The following PDE4D variants were observed in gnomAD, a reference collection of about 807,000 sequenced individuals.
PDE4D encodes 3',5'-cyclic-AMP phosphodiesterase 4D.
Under a neutral mutation model 87.4 loss-of-function variants are expected in PDE4D, and 24 were observed. The ratio of observed to expected loss-of-function variants is 0.27; its 90% CI spans 0.20 to 0.39. The LOEUF is 0.39. Ranked by LOEUF, PDE4D falls within the 10% of genes least tolerant of loss-of-function variation. The pLI is 1.00. For synonymous variants in PDE4D, 384 were observed against 383.2 expected (o/e 1.00, Z -0.02); for missense variants, 714 against 1,041.0 (o/e 0.69, Z 4.32).
chr5:60,139,080 T>C (rs1223174003), intron 2 of PDE4D, among the ~76,000 whole-genome samples: 3 of 151,024 alleles, frequency 2.0e-5, no homozygotes, highest in African/African-American at 7.3e-5. Flanking sequence ...CTAGGATGGT[T>C]CTAAGATCCC....
chr5:60,022,957 C>T (rs1385413431), intron 2 of PDE4D, among the ~76,000 whole-genome samples: 1 of 152,158 alleles, frequency 6.6e-6, no homozygotes, highest in Non-Finnish European at 1.5e-5. Context: ...GACTCCTCAA[C>T]ACATCTATAG....
chr5:59,526,009 C>A (rs1014193055), intron 1 of PDE4D, among the ~76,000 whole-genome samples: 1 of 152,132 alleles, frequency 6.6e-6, no homozygotes, highest in Admixed American at 6.5e-5. Context: ...GACTAATACA[C>A]CCCTGCAGTG....
chr5:59,265,799 C>T (rs1762769924), intron 1 of PDE4D, among the ~76,000 whole-genome samples: 1 of 152,050 alleles, frequency 6.6e-6, no homozygotes, highest in Non-Finnish European at 1.5e-5. Flanking sequence ...GTCTAGGATT[C>T]ATCATGAGGA....
chr5:59,131,592 T>A (rs967266692), intron 5 of PDE4D, among the ~76,000 whole-genome samples: 12 of 92,526 alleles, frequency 1.3e-4, no homozygotes, highest in Non-Finnish European at 2.5e-4. Context: ...ATAAGGCCAA[T>A]TTAAAACACA....
In PDE4D at chr5:60,165,039, C is replaced by T. The variant is rs77194464; in HGVS notation, c.42+20518G>A. Among the ~76,000 whole-genome samples, 1,232 of 152,168 alleles carry T rather than the reference C, an allele frequency of 8.1e-3. 15 individuals carry two copies. Among genetic ancestry groups the T allele is most frequent in the African/African-American group, 0.028 (1,174 of 41,504 alleles). ...TATCCTTTGACCATTTGTCCAAGCC[C>T]CCTCCCCCAACCTGTCTAGCCTCTC... On this transcript the variant is annotated intron_variant, in intron 2 of 16. Coordinates refer to the PDE4D transcript ENST00000502484.
intron 1 of PDE4D, among the ~76,000 whole-genome samples, chr5:59,544,175 C>T (rs1225377433): frequency 6.6e-6 from 1 of 152,114 alleles, no homozygotes; most frequent in Non-Finnish European, 1.5e-5. Context: ...AAACTAGGTA[C>T]AAGGAAAAGG....
intron 1 of PDE4D, among the ~76,000 whole-genome samples, chr5:59,673,192 C>G (rs1747502959): frequency 6.6e-6 from 1 of 151,978 alleles, no homozygotes; most frequent in Admixed American, 6.6e-5. Context: ...AGTAAATGGC[C>G]CAACTGTTTG....
At chr5:59,420,850 A>G (rs1005523959) in intron 1 of PDE4D, among the ~76,000 whole-genome samples, 1 of 152,176 alleles carries the variant, frequency 6.6e-6, no homozygotes, top group African/African-American at 2.4e-5. Flanking sequence ...TTGTTCAAAA[A>G]TAACAGCACA....
chr5:59,553,137 T>A (rs1400408264), intron 1 of PDE4D, among the ~76,000 whole-genome samples: 2 of 152,244 alleles, frequency 1.3e-5, no homozygotes, highest in Middle Eastern at 3.4e-3. Context: ...GAAATATATA[T>A]ATTTTTGCAA....
intron 2 of PDE4D, chr5:60,127,543 T>G: frequency 2.2e-6 from 1 of 454,076 alleles, no homozygotes; most frequent in Non-Finnish European, 3.9e-6. Flanking sequence ...AGCGCATAAC[T>G]GGAAGGTGAA....
chr5:60,195,745 T>A (rs529438341), intron 1 of PDE4D, among the ~76,000 whole-genome samples: 1 of 151,846 alleles, frequency 6.6e-6, no homozygotes, highest in East Asian at 1.9e-4. Context: ...AATCTCAGAA[T>A]AGCTGGTGTG....
intron 2 of PDE4D, among the ~76,000 whole-genome samples, chr5:60,083,871 G>A (rs1324622170): frequency 6.6e-6 from 1 of 152,202 alleles, no homozygotes; most frequent in African/African-American, 2.4e-5. Flanking sequence ...GGTCTGGCCT[G>A]GTGGGAGCCA....
chr5:59,526,625 C>T (rs950398578), intron 1 of PDE4D, among the ~76,000 whole-genome samples: 3 of 152,060 alleles, frequency 2.0e-5, no homozygotes, highest in Admixed American at 6.6e-5. Flanking sequence ...TTTCCCATTG[C>T]TTAATTTTAT....
intron 1 of PDE4D, among the ~76,000 whole-genome samples, chr5:59,428,226 T>C (rs988533599): frequency 5.3e-5 from 8 of 152,226 alleles, no homozygotes; most frequent in African/African-American, 1.7e-4. Context: ...TATAAGGATA[T>C]ACTTAGCTTT....
intron 1 of PDE4D, among the ~76,000 whole-genome samples, chr5:59,653,208 A>AATTTT (rs1554053294): frequency 1.6e-5 from 2 of 125,736 alleles, no homozygotes; most frequent in South Asian, 2.5e-4. Flanking sequence ...AAAAAAAAAA[A>AATTTT]TTTTTTTTTT....
chr5:59,958,998 G>A (rs532001800), intron 3 of PDE4D, among the ~76,000 whole-genome samples: 1 of 152,124 alleles, frequency 6.6e-6, no homozygotes, highest in South Asian at 2.1e-4. Flanking sequence ...TAAAGTTTCA[G>A]GATACAAAAT....
chr5:59,161,818 C>T (rs1004356679), intron 5 of PDE4D, among the ~76,000 whole-genome samples: 1 of 152,206 alleles, frequency 6.6e-6, no homozygotes, highest in East Asian at 1.9e-4. Flanking sequence ...TCTTGCTTTG[C>T]ATCTCCAGCA....
chr5:59,530,064 C>T (rs1314411267), intron 1 of PDE4D, among the ~76,000 whole-genome samples: 1 of 152,186 alleles, frequency 6.6e-6, no homozygotes, highest in Admixed American at 6.5e-5. Flanking sequence ...CTACCAAGTC[C>T]AGGTGATATT....
At chr5:60,297,723 A>T (rs1383806759) in intron 1 of PDE4D, among the ~76,000 whole-genome samples, 4 of 152,226 alleles carry the variant, frequency 2.6e-5, no homozygotes, top group Non-Finnish European at 5.9e-5. Context: ...TCCAAATAAA[A>T]AGGCAAAGTG....
Sources: allele counts gnomAD v4.1 joint callset (sites outside exome capture counted in the v4.1 genomes callset), GRCh38; gene constraint gnomAD v4.1.1; transcripts MANE v1.5; gene names NCBI Gene and HGNC (gene_info 2026-07-23, HGNC 2026-07-21).